The following SLC24A4 variants were observed in gnomAD, a reference collection of about 807,000 sequenced individuals.
The protein encoded by SLC24A4 is sodium/potassium/calcium exchanger 4.
A neutral mutation model predicts 79.0 loss-of-function variants in SLC24A4; 53 were observed. That is an observed-to-expected ratio of 0.67 (90% CI 0.54 to 0.84). The LOEUF is 0.84. Ranked by LOEUF, SLC24A4 falls within the 40% of genes least tolerant of loss-of-function variation. The probability of loss-of-function intolerance (pLI) is 0.00; values close to 1 mark genes in which losing one functional copy is unlikely to be tolerated. For missense variants in SLC24A4, 731 were observed against 822.0 expected (o/e 0.89, Z 1.35); for synonymous variants, 323 against 323.8 (o/e 1.00, Z 0.03).
chr14:92,448,341 T>TACACAC (rs1415258640), intron 9 of SLC24A4, among the ~76,000 whole-genome samples: 3 of 18,678 alleles, frequency 1.6e-4, no homozygotes, highest in Admixed American at 7.9e-4. Context: ...TTTTTCCCAC[T>TACACAC]ACATACACAC....
chr14:92,383,685 T>A (rs1280504429), intron 2 of SLC24A4, among the ~76,000 whole-genome samples: 2 of 152,146 alleles, frequency 1.3e-5, no homozygotes, highest in African/African-American at 4.8e-5. Flanking sequence ...TGGCCCTCCC[T>A]ACCCCAGCAA....
At chr14:92,385,749 G>C (rs1889121263) in intron 2 of SLC24A4, among the ~76,000 whole-genome samples, 1 of 152,178 alleles carries the variant, frequency 6.6e-6, no homozygotes, top group Non-Finnish European at 1.5e-5. Flanking sequence ...CCTGGGAAGA[G>C]TGATGAGCCC....
intron 2 of SLC24A4, among the ~76,000 whole-genome samples, chr14:92,345,010 G>A (rs1164024610): frequency 1.3e-5 from 2 of 152,196 alleles, no homozygotes; most frequent in Non-Finnish European, 2.9e-5. Context: ...TTCTGCCACT[G>A]TACAAATTGT....
chr14:92,401,091 A>G (rs920685075), intron 2 of SLC24A4, among the ~76,000 whole-genome samples: 55 of 152,186 alleles, frequency 3.6e-4, no homozygotes, highest in Admixed American at 5.9e-4. Flanking sequence ...CCAGCAAGGC[A>G]GGAGGACACA....
At chr14:92,422,933 T>C (rs1335130302) in intron 2 of SLC24A4, among the ~76,000 whole-genome samples, 1 of 151,908 alleles carries the variant, frequency 6.6e-6, no homozygotes, top group East Asian at 1.9e-4. Context: ...CCCACCTCAG[T>C]GTCCTGAGTT....
chr14:92,447,987 A>G (rs1041138704), intron 9 of SLC24A4, among the ~76,000 whole-genome samples: 1 of 152,200 alleles, frequency 6.6e-6, no homozygotes, highest in Non-Finnish European at 1.5e-5. Context: ...CTATGCAGCC[A>G]GAAAAAGGAA....
chr14:92,323,707 C>T lies in SLC24A4; in HGVS notation c.-124C>T, dbSNP rs998325675. Reference sequence around the variant, plus strand: ...GCCCTCGGGCCATGAGGCTTTGGCCCGGAGCTCCTCGCCTCTGAGTCGCGC... The same window carrying T: ...GCCCTCGGGCCATGAGGCTTTGGCCTGGAGCTCCTCGCCTCTGAGTCGCGC... On this transcript the variant is annotated 5_prime_UTR_variant, in exon 1 of 17. Coordinates refer to ENST00000532405, the MANE Select transcript of SLC24A4 (RefSeq NM_153646.4). The surrounding 1 kb of genome is among the most constrained non-coding windows in gnomAD (Gnocchi z 4.9). 1.9e-5 allele frequency: 24 copies of T among 1,273,746 alleles called. No individual in the cohort carries two copies. Among genetic ancestry groups the T allele is most frequent in the Non-Finnish European group, 2.4e-5 (23 of 955,824 alleles). 78.9% of individuals were successfully genotyped at this position (1,273,746 alleles called of 1,614,324 possible).
At chr14:92,364,758 A>T (rs897039628) in intron 2 of SLC24A4, among the ~76,000 whole-genome samples, 1 of 152,154 alleles carries the variant, frequency 6.6e-6, no homozygotes, top group Admixed American at 6.5e-5. Context: ...CCTCTCTATC[A>T]GTCACTTCTG....
chr14:92,337,344 C>T (rs1462900443), intron 2 of SLC24A4, among the ~76,000 whole-genome samples: 3 of 152,154 alleles, frequency 2.0e-5, no homozygotes, highest in Admixed American at 2.0e-4. Flanking sequence ...TCCTCTTTGT[C>T]CTTGGCTCTA....
chr14:92,450,857 A>G, intron 10 of SLC24A4: 1 of 152,382 alleles, frequency 6.6e-6, no homozygotes, highest in East Asian at 1.9e-4. Flanking sequence ...CCTGCAGGAA[A>G]CATTCCTCAT....
intron 2 of SLC24A4, among the ~76,000 whole-genome samples, chr14:92,369,033 A>G (rs1566719119): frequency 6.6e-6 from 1 of 152,160 alleles, no homozygotes; most frequent in African/African-American, 2.4e-5. Flanking sequence ...GGAGGACTCT[A>G]AAGACCCTGC....
At chr14:92,456,334 C>T in intron 11 of SLC24A4, 70 bp from the exon 12 acceptor site, 1 of 1,531,618 alleles carries the variant, frequency 6.5e-7, no homozygotes, top group African/African-American at 1.4e-5. Context: ...GTGTGAGGGA[C>T]CCAGCGTATA....
intron 2 of SLC24A4, among the ~76,000 whole-genome samples, chr14:92,330,426 G>A (rs1268532860): frequency 5.3e-5 from 8 of 152,138 alleles, no homozygotes; most frequent in Non-Finnish European, 1.0e-4. Context: ...AGATCTGAAG[G>A]CAAAACATGG....
At chr14:92,426,276 C>A (rs1891562531) in intron 2 of SLC24A4, among the ~76,000 whole-genome samples, 1 of 152,144 alleles carries the variant, frequency 6.6e-6, no homozygotes, top group Non-Finnish European at 1.5e-5. Context: ...AGACCTCAGG[C>A]TGCTTTCACT....
At chr14:92,344,005 G>A (rs1886383742) in intron 2 of SLC24A4, among the ~76,000 whole-genome samples, 1 of 152,116 alleles carries the variant, frequency 6.6e-6, no homozygotes, top group Admixed American at 6.6e-5. Flanking sequence ...GCCCAACCAA[G>A]GCAGGACTTT....
intron 10 of SLC24A4, 51 bp from the exon 11 acceptor site, chr14:92,453,849 G>A (rs750573917): frequency 1.3e-6 from 2 of 1,521,406 alleles, no homozygotes; most frequent in South Asian, 1.3e-5. Flanking sequence ...CCCAGCACTT[G>A]GGTGTTGTCC....
chr14:92,342,670 C>A (rs183320356), intron 2 of SLC24A4, among the ~76,000 whole-genome samples: 84 of 152,312 alleles, frequency 5.5e-4, no homozygotes, highest in African/African-American at 2.0e-3. Context: ...GCGTGCACCA[C>A]CGCATGCCCT....
chr14:92,392,486 C>T (rs909155783), intron 2 of SLC24A4, among the ~76,000 whole-genome samples: 2 of 151,872 alleles, frequency 1.3e-5, no homozygotes, highest in African/African-American at 4.8e-5. Flanking sequence ...AGGTATGTAT[C>T]GGGGTGACAG....
intron 2 of SLC24A4, among the ~76,000 whole-genome samples, chr14:92,390,822 A>G (rs1256525415): frequency 6.6e-6 from 1 of 152,182 alleles, no homozygotes; most frequent in East Asian, 1.9e-4. Context: ...GTAGTATTGA[A>G]CCGGATAATG....
Sources: allele counts gnomAD v4.1 joint callset (sites outside exome capture counted in the v4.1 genomes callset), GRCh38; gene constraint gnomAD v4.1.1; non-coding constraint Gnocchi (gnomAD v3.1); transcripts MANE v1.5; gene names NCBI Gene and HGNC (gene_info 2026-07-23, HGNC 2026-07-21).